INPP4B: variants seen among roughly 807,000 people sequenced by gnomAD.
INPP4B encodes the protein inositol polyphosphate-4-phosphatase type II B.
In INPP4B, 55 loss-of-function variants were observed where a neutral mutation model predicts 122.5. That is an observed-to-expected ratio of 0.45 (90% CI 0.36 to 0.56). The LOEUF (loss-of-function observed/expected upper bound fraction) is 0.56. Among genes scored for constraint, INPP4B ranks in the 20% least tolerant of loss-of-function variants. INPP4B has a pLI of 0.00. For missense variants in INPP4B, 1,000 were observed against 1,097.7 expected (o/e 0.91, Z 1.26); for synonymous variants, 403 against 388.7 (o/e 1.04, Z -0.43).
At chr4:142,609,221 T>C (rs28538792) in intron 2 of INPP4B, among the ~76,000 whole-genome samples, 11,351 of 151,424 alleles carry the variant, frequency 0.075, 469 homozygotes, top group South Asian at 0.1. Flanking sequence ...TATTTAAACA[T>C]AAATACTTAT....
intron 18 of INPP4B, among the ~76,000 whole-genome samples, chr4:142,135,436 A>G (rs115914265): frequency 0.023 from 3,499 of 152,306 alleles, 154 homozygotes; most frequent in African/African-American, 0.08. Flanking sequence ...GATATTTTAT[A>G]TAAACATTCA....
At chr4:142,617,935 C>T (rs1256647434) in intron 2 of INPP4B, among the ~76,000 whole-genome samples, 1 of 152,010 alleles carries the variant, frequency 6.6e-6, no homozygotes, top group East Asian at 1.9e-4. Flanking sequence ...TTGAAATGAG[C>T]TAGTCCAAAT....
chr4:142,294,039 A>T (rs770486488), intron 9 of INPP4B, among the ~76,000 whole-genome samples: 9 of 152,182 alleles, frequency 5.9e-5, no homozygotes, highest in Non-Finnish European at 1.2e-4. Context: ...GGAGACTCAG[A>T]AGGGTAGGAG....
chr4:142,294,191 T>A (rs1213924862), intron 9 of INPP4B, among the ~76,000 whole-genome samples: 3 of 152,164 alleles, frequency 2.0e-5, no homozygotes, highest in Non-Finnish European at 4.4e-5. Flanking sequence ...CTAAATGTAT[T>A]GTAAAAAGAA....
At chr4:142,472,728 A>G (rs1241650413) in intron 2 of INPP4B, among the ~76,000 whole-genome samples, 1 of 152,178 alleles carries the variant, frequency 6.6e-6, no homozygotes, top group Non-Finnish European at 1.5e-5. Context: ...AAAGATGTGA[A>G]TTACTAAATC....
chr4:142,184,752 T>C (rs565398817), intron 15 of INPP4B, among the ~76,000 whole-genome samples: 2 of 152,226 alleles, frequency 1.3e-5, no homozygotes, highest in East Asian at 1.9e-4. Flanking sequence ...CAGGCAGAAA[T>C]GATTTTAAGT....
rs528147287 is a variant in INPP4B at position 142,652,300 on chromosome 4, A to G, written c.-191+73539T>C. ...GCAAAAACTGGAAGCATTCCCTTTG[A>G]AAACCAGCACAAGACAAGAATGCCC... On this transcript the variant is annotated intron_variant, in intron 2 of 25. Coordinates refer to ENST00000262992, the MANE Select transcript of INPP4B (RefSeq NM_001101669.3). 6.6e-5 allele frequency among the ~76,000 whole-genome samples: 10 copies of G among 152,312 alleles called. No individual in the cohort carries two copies. The East Asian group carries it at 1.9e-3, about 29-fold the overall frequency.
intron 3 of INPP4B, among the ~76,000 whole-genome samples, chr4:142,452,380 T>A (rs1348815529): frequency 6.6e-6 from 1 of 152,224 alleles, no homozygotes; most frequent in African/African-American, 2.4e-5. Context: ...TCTGACTCGT[T>A]AGATTTTGTT....
intron 7 of INPP4B, among the ~76,000 whole-genome samples, chr4:142,402,373 G>T (rs1382124789): frequency 6.6e-6 from 1 of 152,182 alleles, no homozygotes; most frequent in Non-Finnish European, 1.5e-5. Context: ...GGAATATGCA[G>T]ACCAGTTAGG....
chr4:142,283,478 C>T (rs1445104115), intron 9 of INPP4B, among the ~76,000 whole-genome samples: 1 of 152,080 alleles, frequency 6.6e-6, no homozygotes, highest in African/African-American at 2.4e-5. Flanking sequence ...TGCCATTAGG[C>T]AATTTTGTCC....
intron 7 of INPP4B, among the ~76,000 whole-genome samples, chr4:142,374,580 T>C (rs1231119834): frequency 6.6e-6 from 1 of 151,866 alleles, no homozygotes; most frequent in Admixed American, 6.6e-5. Context: ...TTAAATTACA[T>C]TTACTTTGGA....
intron 25 of INPP4B, 134 bp from the exon 26 acceptor site, chr4:142,029,048 A>G (rs550282681): frequency 7.0e-7 from 1 of 1,418,892 alleles, no homozygotes; most frequent in South Asian, 1.6e-5. Context: ...TTTTTTCCAC[A>G]AGTGATGATA....
intron 7 of INPP4B, among the ~76,000 whole-genome samples, chr4:142,396,492 A>G (rs1431982176): frequency 2.0e-5 from 3 of 152,178 alleles, no homozygotes; most frequent in Non-Finnish European, 2.9e-5. Context: ...CTGGAACTCA[A>G]ATTACTAGGA....
At chr4:142,136,023 T>G (rs1157837784) in intron 18 of INPP4B, among the ~76,000 whole-genome samples, 7 of 152,210 alleles carry the variant, frequency 4.6e-5, no homozygotes, top group Non-Finnish European at 7.3e-5. Context: ...GGTCTCGATC[T>G]CCTGACCTTG....
Position 142,263,838 on chromosome 4 carries a change from C to T in INPP4B, c.616-3274G>A, listed in dbSNP as rs531569300. ...AGACCAGAAGGAAATAAGTGAACCA[C>T]AAAATTACCTAGGGAAAACACTTCA... On this transcript the variant is annotated intron_variant, in intron 10 of 25. Coordinates refer to ENST00000262992, the MANE Select transcript of INPP4B (RefSeq NM_001101669.3). 5.3e-5 allele frequency among the ~76,000 whole-genome samples: 8 copies of T among 151,304 alleles called. No individual in the cohort carries two copies. In the South Asian group the frequency reaches 1.5e-3, roughly 28 times the overall value.
chr4:142,783,473 T>C (rs1775222092), intron 1 of INPP4B, among the ~76,000 whole-genome samples: 1 of 152,142 alleles, frequency 6.6e-6, no homozygotes, highest in Admixed American at 6.6e-5. Flanking sequence ...GTATCTTCCA[T>C]ATTGGCAATA....
chr4:142,155,344 T>C lies in INPP4B; in HGVS notation c.1563+5014A>G, dbSNP rs1816626087. 2.0e-5 allele frequency among the ~76,000 whole-genome samples: 3 copies of C among 152,132 alleles called. No individual in the cohort carries two copies. In the South Asian group the frequency reaches 6.2e-4, roughly 32 times the overall value. On this transcript the variant is annotated intron_variant, in intron 17 of 25. Transcript: ENST00000262992. ...CTGCATTATGCATGGTCTCAATGTT[T>C]TTCTGTAGACGTAATGTTTTCTAAG...
At chr4:142,081,422 A>C (rs144501029) in intron 25 of INPP4B, among the ~76,000 whole-genome samples, 34 of 152,296 alleles carry the variant, frequency 2.2e-4, no homozygotes, top group African/African-American at 7.7e-4. Context: ...ATCAAGAAAC[A>C]TGACTTCGGG....
intron 2 of INPP4B, 74 bp from the exon 3 acceptor site, chr4:142,462,800 T>G (rs1318292925): frequency 6.6e-6 from 1 of 152,208 alleles, no homozygotes; most frequent in Non-Finnish European, 1.5e-5. Flanking sequence ...CACCCATAGG[T>G]AAAGTGTTTA....
Sources: gnomAD v4.1 joint callset for allele counts (sites outside exome capture counted in the v4.1 genomes callset) on GRCh38, gnomAD v4.1.1 for gene constraint, MANE v1.5 for transcripts, NCBI Gene and HGNC (gene_info 2026-07-23, HGNC 2026-07-21) for gene names.